The following NAA16 variants were observed in gnomAD, a reference collection of about 807,000 sequenced individuals.
NAA16 encodes NARG1-like protein.
In NAA16, 97 loss-of-function variants were observed where a neutral mutation model predicts 110.3. That is an observed-to-expected ratio of 0.88 (90% CI 0.75 to 1.04). NAA16 has a LOEUF of 1.04. Ranked by LOEUF, NAA16 falls within the 50% of genes least tolerant of loss-of-function variation. NAA16 has a pLI of 0.00. For synonymous variants in NAA16, 372 were observed against 330.6 expected (o/e 1.13, Z -1.36); for missense variants, 1,017 against 1,005.1 (o/e 1.01, Z -0.16).
chr13:41,367,298 G>A (rs186536161), intron 13 of NAA16, 141 bp from the exon 14 acceptor site: 20 of 574,848 alleles, frequency 3.5e-5, no homozygotes, highest in Non-Finnish European at 5.7e-5. Flanking sequence ...ATCCTTTATA[G>A]TGTAAAACAT....
At chr13:41,373,803 T>C in intron 18 of NAA16, 23 bp downstream of exon 18, 1 of 1,565,478 alleles carries the variant, frequency 6.4e-7, no homozygotes, top group Non-Finnish European at 8.6e-7. Flanking sequence ...CCCCCAGGGT[T>C]AAAATACTTA....
chr13:41,336,706 T>A lies in NAA16; in HGVS notation c.964T>A (p.Cys322Ser). ...KFLRVNFSKG[C>S]PPLFTTLKSL... ...CCTGAGGGTTAACTTCAGTAAAGGC[T>A]GCCCACCCTTGTTTACTACTTTGAA... Residue 322 changes from cysteine (C) to serine (S), a missense_variant, in exon 9 of 20, where the codon TGC (cysteine) becomes AGC (serine). By Grantham distance (112) the Cys-to-Ser change is moderately radical. Coordinates refer to ENST00000379406, the MANE Select transcript of NAA16 (RefSeq NM_024561.5). 1 of 1,610,106 alleles carries A rather than the reference T, an allele frequency of 6.2e-7. No individual in the cohort carries two copies. Among genetic ancestry groups the A allele is most frequent in the Non-Finnish European group, 8.5e-7 (1 of 1,177,948 alleles).
intron 1 of NAA16, among the ~76,000 whole-genome samples, chr13:41,315,636 T>A (rs1465762491): frequency 6.6e-6 from 1 of 152,156 alleles, no homozygotes; most frequent in Non-Finnish European, 1.5e-5. Context: ...AGACATATCA[T>A]AGCTGCTCAA....
intron 3 of NAA16, among the ~76,000 whole-genome samples, chr13:41,319,656 A>G (rs2041897924): frequency 6.6e-6 from 1 of 152,070 alleles, no homozygotes; most frequent in Non-Finnish European, 1.5e-5. Flanking sequence ...AGCTGGGACT[A>G]CAGGTGTGTG....
At chr13:41,370,237 A>G (rs925682487) in intron 15 of NAA16, among the ~76,000 whole-genome samples, 64 of 152,360 alleles carry the variant, frequency 4.2e-4, no homozygotes, top group African/African-American at 1.5e-3. Flanking sequence ...TCCAGATAAC[A>G]GAAGAATTAA....
intron 9 of NAA16, among the ~76,000 whole-genome samples, chr13:41,341,048 C>T (rs555708294): frequency 2.0e-5 from 3 of 152,182 alleles, no homozygotes; most frequent in South Asian, 2.1e-4. Context: ...TTTTCTTTTA[C>T]GAAATGCTGA....
At chr13:41,364,405 C>G (rs950340308) in intron 13 of NAA16, among the ~76,000 whole-genome samples, 2 of 151,994 alleles carry the variant, frequency 1.3e-5, no homozygotes, top group African/African-American at 2.4e-5. Context: ...ATCCCCCCCC[C>G]ATAAGATTTT....
chr13:41,368,682 C>T (rs571006582), intron 14 of NAA16, among the ~76,000 whole-genome samples: 1 of 152,298 alleles, frequency 6.6e-6, no homozygotes, highest in Admixed American at 6.5e-5. Flanking sequence ...TAAATTGCAT[C>T]TGTACTGAAC....
chr13:41,332,026 A>G (rs2042252632), intron 8 of NAA16, among the ~76,000 whole-genome samples: 1 of 152,144 alleles, frequency 6.6e-6, no homozygotes, highest in South Asian at 2.1e-4. Flanking sequence ...ATGTGGTATC[A>G]TGATTTGAGT....
At chr13:41,354,303 C>T (rs1008841537) in intron 9 of NAA16, among the ~76,000 whole-genome samples, 5 of 152,020 alleles carry the variant, frequency 3.3e-5, no homozygotes, top group Admixed American at 1.3e-4. Flanking sequence ...AGGAGTAATC[C>T]GGATTCAAAA....
At chr13:41,350,657 G>A (rs1486413629) in intron 9 of NAA16, among the ~76,000 whole-genome samples, 5 of 129,112 alleles carry the variant, frequency 3.9e-5, no homozygotes, top group Admixed American at 8.9e-5. Context: ...TTTCACTCCC[G>A]TTGCCCAGGC....
intron 11 of NAA16, 136 bp from the exon 12 acceptor site, chr13:41,358,674 C>T: frequency 7.0e-7 from 1 of 1,431,616 alleles, no homozygotes; most frequent in Non-Finnish European, 9.2e-7. Context: ...TAAATGTGAA[C>T]TGTAATTTTG....
intron 4 of NAA16, 42 bp downstream of exon 4, chr13:41,320,866 C>T (rs898429397): frequency 1.1e-5 from 17 of 1,524,392 alleles, no homozygotes; most frequent in Admixed American, 2.2e-5. Context: ...TTACAGTAGA[C>T]AAAATTTAAG....
intron 8 of NAA16, among the ~76,000 whole-genome samples, chr13:41,332,676 A>G (rs2042271618): frequency 1.3e-5 from 2 of 152,230 alleles, no homozygotes; most frequent in Admixed American, 6.5e-5. Flanking sequence ...AATACAACTT[A>G]AAAGTATTCT....
At chr13:41,371,747 A>G (rs1050931019) in intron 15 of NAA16, among the ~76,000 whole-genome samples, 1 of 152,202 alleles carries the variant, frequency 6.6e-6, no homozygotes, top group African/African-American at 2.4e-5. Context: ...GAAGTTACAC[A>G]TAGATTTTCA....
chr13:41,347,752 C>A lies in NAA16; in HGVS notation c.1015-7392C>A, dbSNP rs77325586. ...TTGCTATAGATGTTTTAATAGATTC[C>A]TTAGGATTTTCTATGTGCAACATCA... On this transcript the variant is annotated intron_variant, in intron 9 of 19. Coordinates refer to ENST00000379406, the MANE Select transcript of NAA16 (RefSeq NM_024561.5). Among the ~76,000 whole-genome samples the A allele has an allele frequency of 3.4e-3, 511 of 152,072 alleles. 4 individuals carry two copies. The highest frequency in any genetic ancestry group is 0.012 in the African/African-American group (487 of 41,402).
At chr13:41,343,544 T>A (rs1490583938) in intron 9 of NAA16, among the ~76,000 whole-genome samples, 1 of 152,096 alleles carries the variant, frequency 6.6e-6, no homozygotes. Context: ...TTGTTTTTGG[T>A]TTTTTTGTTT....
intron 14 of NAA16, 34 bp downstream of exon 14, chr13:41,367,686 G>A (rs1450099211): frequency 4.9e-6 from 7 of 1,428,354 alleles, no homozygotes; most frequent in Non-Finnish European, 5.8e-6. Flanking sequence ...ATTTTAAAAG[G>A]ACACTAAATT....
chr13:41,323,298 G>A, intron 5 of NAA16, 108 bp downstream of exon 5: 1 of 1,132,284 alleles, frequency 8.8e-7, no homozygotes, highest in Non-Finnish European at 1.3e-6. Context: ...TGGAAAACGG[G>A]AAAACTTTTT....
Sources: gnomAD v4.1 joint callset for allele counts (sites outside exome capture counted in the v4.1 genomes callset) on GRCh38, gnomAD v4.1.1 for gene constraint, MANE v1.5 for transcripts, NCBI Gene and HGNC (gene_info 2026-07-23, HGNC 2026-07-21) for gene names.